Variants in LRP1B observed in about 807,000 individuals in gnomAD.
LRP1B encodes LDL receptor related protein 1B.
In LRP1B, 217 loss-of-function variants were observed where a neutral mutation model predicts 556.6. The ratio of observed to expected loss-of-function variants is 0.39; its 90% CI spans 0.35 to 0.44. LRP1B has a LOEUF of 0.44. Ranked by LOEUF, LRP1B falls within the 20% of genes least tolerant of loss-of-function variation. The pLI is 1.00. For synonymous variants in LRP1B, 2,047 were observed against 1,865.8 expected (o/e 1.10, Z -2.50); for missense variants, 5,053 against 5,620.8 (o/e 0.90, Z 3.23).
intron 3 of LRP1B, among the ~76,000 whole-genome samples, chr2:141,467,828 T>G (rs1294075066): frequency 1.1e-4 from 1 of 9,436 alleles, no homozygotes; most frequent in Non-Finnish European, 1.0e-3. Context: ...TTTGTTTGTT[T>G]GTTTGCGGAC....
rs543069769 is a variant in LRP1B at position 140,450,670 on chromosome 2, A to C, written c.9964-9T>G. On this transcript the variant is annotated splice_polypyrimidine_tract_variant and intron_variant, in intron 62 of 90. Coordinates refer to ENST00000389484, the MANE Select transcript of LRP1B (RefSeq NM_018557.3). Reference sequence around the variant, plus strand: ...TCAGTTTTGCAACGAAACTTAAAAAAGAAAAAAAGAAAAAAAAATGTTGAA... The same window carrying C: ...TCAGTTTTGCAACGAAACTTAAAAACGAAAAAAAGAAAAAAAAATGTTGAA... The C allele has an allele frequency of 6.3e-7, 1 of 1,576,312 alleles. No individual in the cohort carries two copies. The highest frequency in any genetic ancestry group is 8.7e-7 in the Non-Finnish European group (1 of 1,153,684).
intron 2 of LRP1B, among the ~76,000 whole-genome samples, chr2:141,610,365 T>C (rs1340752019): frequency 9.7e-6 from 1 of 103,132 alleles, no homozygotes; most frequent in East Asian, 2.9e-4. Context: ...CTATTTCCAT[T>C]ACTTTTTGCT....
At chr2:140,956,180 C>G (rs1421827464) in intron 18 of LRP1B, among the ~76,000 whole-genome samples, 1 of 151,716 alleles carries the variant, frequency 6.6e-6, no homozygotes, top group African/African-American at 2.4e-5. Context: ...TACACTGATA[C>G]TCTTGACAAT....
intron 3 of LRP1B, among the ~76,000 whole-genome samples, chr2:141,259,396 C>A (rs781383538): frequency 6.6e-6 from 1 of 152,174 alleles, no homozygotes; most frequent in Non-Finnish European, 1.5e-5. Context: ...AAAAAGATGA[C>A]ATTCCCCAGT....
chr2:140,517,362 G>T (rs1054621101), intron 49 of LRP1B, among the ~76,000 whole-genome samples: 8 of 152,046 alleles, frequency 5.3e-5, no homozygotes, highest in Admixed American at 3.3e-4. Context: ...TGAGCCTAAG[G>T]CCAAAGAATA....
At chr2:140,339,067 C>T (rs964852124) in intron 77 of LRP1B, among the ~76,000 whole-genome samples, 1 of 151,750 alleles carries the variant, frequency 6.6e-6, no homozygotes, top group Non-Finnish European at 1.5e-5. Context: ...CTAACAAGCT[C>T]TCTAAATACA....
chr2:141,962,005 T>G (rs920898959), intron 1 of LRP1B, among the ~76,000 whole-genome samples: 6 of 151,798 alleles, frequency 4.0e-5, no homozygotes, highest in African/African-American at 1.4e-4. Flanking sequence ...ATTCAGATTA[T>G]CTTTGTTATT....
intron 3 of LRP1B, among the ~76,000 whole-genome samples, chr2:141,414,155 T>C (rs1353859462): frequency 7.5e-5 from 11 of 146,112 alleles, no homozygotes; most frequent in African/African-American, 2.5e-4. Context: ...GAGAATGGCG[T>C]GAACCCGGGA....
At chr2:141,299,602 A>G (rs1686311575) in intron 3 of LRP1B, among the ~76,000 whole-genome samples, 1 of 152,170 alleles carries the variant, frequency 6.6e-6, no homozygotes, top group Non-Finnish European at 1.5e-5. Context: ...TTGAAATATC[A>G]CCATCTTCCT....
intron 32 of LRP1B, among the ~76,000 whole-genome samples, chr2:140,795,838 G>C (rs1216235737): frequency 6.6e-6 from 1 of 151,996 alleles, no homozygotes; most frequent in Admixed American, 6.6e-5. Flanking sequence ...ATAATACCTG[G>C]AGTATATGAG....
At chr2:140,235,265 G>A (rs866608598) in intron 89 of LRP1B, among the ~76,000 whole-genome samples, 3 of 151,174 alleles carry the variant, frequency 2.0e-5, no homozygotes, top group Admixed American at 6.6e-5. Flanking sequence ...TTTATTAACT[G>A]CATTAAGTAC....
chr2:140,313,428 G>T (rs2105032785), intron 83 of LRP1B, among the ~76,000 whole-genome samples: 1 of 151,966 alleles, frequency 6.6e-6, no homozygotes, highest in Admixed American at 6.6e-5. Flanking sequence ...AACTCAGGAT[G>T]CATCAAGACA....
At chr2:140,948,412 A>G (rs563510022) in intron 20 of LRP1B, among the ~76,000 whole-genome samples, 81 of 152,334 alleles carry the variant, frequency 5.3e-4, no homozygotes, top group African/African-American at 1.8e-3. Context: ...CTCAATATTA[A>G]TGATAGGCAA....
At chr2:141,993,945 T>C (rs1220213138) in intron 1 of LRP1B, among the ~76,000 whole-genome samples, 4 of 152,162 alleles carry the variant, frequency 2.6e-5, no homozygotes, top group Non-Finnish European at 5.9e-5. Context: ...TCTTCTACCT[T>C]ATCAACAATT....
chr2:140,231,857 T>C lies in LRP1B; in HGVS notation c.*1329A>G, dbSNP rs548761306. 1 of 151,878 alleles carries C rather than the reference T, an allele frequency of 6.6e-6. No homozygotes were observed. The highest frequency in any genetic ancestry group is 2.1e-4 in the South Asian group (1 of 4,824). The allele number at this position is 151,878 out of a possible 1,614,324, so 9.4% of individuals were successfully genotyped here. A position where few individuals can be genotyped will look rare whatever the true frequency, so the allele number is the denominator to read the frequency against. On this transcript the variant is annotated 3_prime_UTR_variant, in exon 91 of 91. Transcript: ENST00000389484. ...GAGGAACAAAAAGCCCTCCAAAACTTGTGAATAAATCTTTTGTGCCTTTAA... is the reference window on the plus strand; with the variant it reads ...GAGGAACAAAAAGCCCTCCAAAACTCGTGAATAAATCTTTTGTGCCTTTAA...
chr2:140,492,232 A>G (rs71415495), intron 57 of LRP1B, among the ~76,000 whole-genome samples: 19,048 of 152,192 alleles, frequency 0.13, 1,532 homozygotes, highest in East Asian at 0.3. Context: ...AAAGCAGTGG[A>G]GGAATCTATC....
At chr2:140,572,820 A>AATAAAATAAAATAAAATAAT (rs2105110817) in intron 43 of LRP1B, among the ~76,000 whole-genome samples, 1 of 151,194 alleles carries the variant, frequency 6.6e-6, no homozygotes, top group Non-Finnish European at 1.5e-5. Flanking sequence ...AATAAAATAA[A>AATAAAATAAAATAAAATAAT]ATAAAATAAA....
intron 2 of LRP1B, among the ~76,000 whole-genome samples, chr2:141,526,185 C>T (rs569829250): frequency 6.6e-6 from 1 of 152,110 alleles, no homozygotes; most frequent in South Asian, 2.1e-4. Flanking sequence ...AATAGTTAGA[C>T]ATTTTCACAA....
intron 1 of LRP1B, among the ~76,000 whole-genome samples, chr2:141,928,966 C>T (rs575984299): frequency 2.4e-4 from 36 of 152,140 alleles, no homozygotes; most frequent in African/African-American, 8.7e-4. Flanking sequence ...ATAAAAGTAT[C>T]TTTGTAGGAG....
Sources: allele counts gnomAD v4.1 joint callset (sites outside exome capture counted in the v4.1 genomes callset), GRCh38; gene constraint gnomAD v4.1.1; transcripts MANE v1.5; gene names NCBI Gene and HGNC (gene_info 2026-07-23, HGNC 2026-07-21).